IL1RAPL2: variants seen among roughly 807,000 people sequenced by gnomAD.
The protein encoded by IL1RAPL2 is X-linked interleukin-1 receptor accessory protein-like 2.
In IL1RAPL2, 3 loss-of-function variants were observed where a neutral mutation model predicts 44.1. That is an observed-to-expected ratio of 0.07 (90% CI 0.03 to 0.18). The LOEUF (loss-of-function observed/expected upper bound fraction) is 0.18, where lower values mean the gene tolerates loss of function less well. Ranked by LOEUF, IL1RAPL2 falls within the 10% of genes least tolerant of loss-of-function variation. The pLI is 1.00. For missense variants in IL1RAPL2, 391 were observed against 496.4 expected (o/e 0.79, Z 2.02); for synonymous variants, 181 against 178.8 (o/e 1.01, Z -0.10).
intron 6 of IL1RAPL2, among the ~76,000 whole-genome samples, chrX:105,531,061 A>C (rs1042693443): frequency 2.7e-5 from 3 of 111,646 alleles, no homozygotes; most frequent in African/African-American, 6.5e-5. Context: ...ATATCTCTTC[A>C]ATATACTGGT....
chrX:105,415,042 TCTTTG>T (rs2035723083), intron 5 of IL1RAPL2, among the ~76,000 whole-genome samples: 1 of 112,243 alleles, frequency 8.9e-6, no homozygotes, highest in Admixed American at 9.4e-5. Context: ...GAAATTAAAG[TCTTTG>T]CTTTGCATCA....
intron 2 of IL1RAPL2, among the ~76,000 whole-genome samples, chrX:104,902,110 G>T (rs144614726): frequency 9.0e-6 from 1 of 111,722 alleles, no homozygotes; most frequent in Non-Finnish European, 1.9e-5. Context: ...ACACTTGGGC[G>T]TTTCTATGAG....
rs1307634356 is a variant in IL1RAPL2 at position 105,748,945 on chromosome X, T to G, written c.1049-15T>G. ...TGATTTAATTACCTTTTCCTGTTTATTCTGTTCGCTCCAGATTTAATCTAT... is the reference window on the plus strand; with the variant it reads ...TGATTTAATTACCTTTTCCTGTTTAGTCTGTTCGCTCCAGATTTAATCTAT... On this transcript the variant is annotated splice_polypyrimidine_tract_variant and intron_variant, in intron 8 of 10. Coordinates refer to ENST00000372582, the MANE Select transcript of IL1RAPL2 (RefSeq NM_017416.2). The G allele has an allele frequency of 1.7e-6, 2 of 1,204,165 alleles. No homozygotes were observed. The highest frequency in any genetic ancestry group is 2.2e-5 in the Admixed American group (1 of 45,505).
intron 2 of IL1RAPL2, among the ~76,000 whole-genome samples, chrX:105,162,478 A>G (rs2033334288): frequency 8.9e-6 from 1 of 112,484 alleles, no homozygotes; most frequent in Non-Finnish European, 1.9e-5. Flanking sequence ...AAGAGAAAAT[A>G]AACACAACTT....
At position 105,100,584 on chromosome X, in the gene IL1RAPL2, T is replaced by C. The variant is rs192115032; in HGVS notation, c.83-94891T>C. Among the ~76,000 whole-genome samples the C allele has an allele frequency of 2.7e-5, 3 of 111,846 alleles. No homozygotes were observed. In the Admixed American group the frequency reaches 2.8e-4, roughly 11 times the overall value. ...TTTACTTGGTGAGAACTAGTTCTCA[T>C]TGAACATTGCCCAGAGACAGGTTGA... On this transcript the variant is annotated intron_variant, in intron 2 of 10. Transcript: ENST00000372582.
At chrX:104,592,145 A>ATGTGTGTGTGTGTGTGTG (rs35940205) in intron 1 of IL1RAPL2, among the ~76,000 whole-genome samples, 9 of 60,222 alleles carry the variant, frequency 1.5e-4, no homozygotes, top group Admixed American at 4.8e-4. Flanking sequence ...ATGCCCGTAT[A>ATGTGTGTGTGTGTGTGTG]TGTGTGTGTG....
intron 4 of IL1RAPL2, among the ~76,000 whole-genome samples, chrX:105,260,769 T>C (rs1196722072): frequency 8.9e-6 from 1 of 112,582 alleles, no homozygotes; most frequent in African/African-American, 3.2e-5. Context: ...CTCCAAAGCC[T>C]GAAGGCTGGA....
chrX:105,582,005 T>G (rs1163888114), intron 6 of IL1RAPL2, among the ~76,000 whole-genome samples: 1 of 111,488 alleles, frequency 9.0e-6, no homozygotes, highest in Admixed American at 9.6e-5. Context: ...ATTTTTGCAT[T>G]ATTAATTTAT....
chrX:105,074,829 T>G (rs1304248186), intron 2 of IL1RAPL2, among the ~76,000 whole-genome samples: 1 of 109,610 alleles, frequency 9.1e-6, no homozygotes, highest in Admixed American at 9.8e-5. Flanking sequence ...CACTCATGAT[T>G]TGGCTCTCTG....
rs775728061 is a variant in IL1RAPL2, at chrX:105,013,228, G to T, written c.83-182247G>T. On this transcript the variant is annotated intron_variant, in intron 2 of 10. Coordinates refer to ENST00000372582, the MANE Select transcript of IL1RAPL2 (RefSeq NM_017416.2). ...TTCCATCAGAGTCTTGGACAACTCT[G>T]TTACCCCAGAAAAGATTAAGAACTG... Among the ~76,000 whole-genome samples, 6 of 111,176 alleles carry T rather than the reference G, an allele frequency of 5.4e-5. No homozygotes were observed. In the East Asian group the frequency reaches 1.7e-3, roughly 32 times the overall value.
rs148238042 is a variant in IL1RAPL2, at chrX:105,197,459, G to T, written c.356+1711G>T. 2.7e-5 allele frequency among the ~76,000 whole-genome samples: 3 copies of T among 111,741 alleles called. No homozygotes were observed. The East Asian group carries it at 8.5e-4, about 32-fold the overall frequency. ...TCAGTCCACTATGTACAAGTGCTAA[G>T]CTTACAATGAATTATTAAACAAATT... On this transcript the variant is annotated intron_variant, in intron 3 of 10. Transcript: ENST00000372582.
chrX:104,761,738 T>G (rs1295222052), intron 2 of IL1RAPL2, among the ~76,000 whole-genome samples: 1 of 110,781 alleles, frequency 9.0e-6, no homozygotes, highest in Non-Finnish European at 1.9e-5. Flanking sequence ...GGGAGAAATT[T>G]TGGCCAAAAT....
At chrX:105,392,429 A>G (rs2035532672) in intron 5 of IL1RAPL2, among the ~76,000 whole-genome samples, 1 of 111,786 alleles carries the variant, frequency 8.9e-6, no homozygotes, top group African/African-American at 3.3e-5. Flanking sequence ...TCTTGACCTC[A>G]GTGCATAAAA....
At chrX:104,601,864 C>G (rs935360991) in intron 1 of IL1RAPL2, among the ~76,000 whole-genome samples, 2 of 111,993 alleles carry the variant, frequency 1.8e-5, no homozygotes, top group African/African-American at 6.5e-5. Context: ...GAATTACCAT[C>G]TGACCCAGCA....
intron 5 of IL1RAPL2, among the ~76,000 whole-genome samples, chrX:105,364,932 A>AAAGCATTCCAG (rs2147714131): frequency 8.9e-6 from 1 of 111,855 alleles, no homozygotes; most frequent in Admixed American, 9.5e-5. Context: ...GACTTCCAGT[A>AAAGCATTCCAG]CTATGTAGAA....
chrX:104,847,080 A>G (rs1401261038), intron 2 of IL1RAPL2, among the ~76,000 whole-genome samples: 1 of 111,642 alleles, frequency 9.0e-6, no homozygotes, highest in Non-Finnish European at 1.9e-5. Context: ...TTCTTTGTAG[A>G]TTCTGGATAT....
intron 6 of IL1RAPL2, among the ~76,000 whole-genome samples, chrX:105,584,533 T>G (rs1189691846): frequency 4.3e-5 from 2 of 46,523 alleles, no homozygotes; most frequent in African/African-American, 1.9e-4. Context: ...GTTGTTTCTG[T>G]TTTTTTTTTT....
At chrX:105,220,898 A>C (rs2147627197) in intron 3 of IL1RAPL2, among the ~76,000 whole-genome samples, 1 of 111,773 alleles carries the variant, frequency 8.9e-6, no homozygotes, top group East Asian at 2.9e-4. Flanking sequence ...AAGCCCTTAT[A>C]ATCAAGTCAA....
At chrX:105,255,858 A>G (rs1406940216) in intron 4 of IL1RAPL2, among the ~76,000 whole-genome samples, 2 of 111,912 alleles carry the variant, frequency 1.8e-5, no homozygotes, top group African/African-American at 3.3e-5. Flanking sequence ...AGTTTTTAAC[A>G]TGAAGGGGTG....
Sources: allele counts gnomAD v4.1 joint callset (sites outside exome capture counted in the v4.1 genomes callset), GRCh38; gene constraint gnomAD v4.1.1; transcripts MANE v1.5; gene names NCBI Gene and HGNC (gene_info 2026-07-23, HGNC 2026-07-21).